SYT1: variants seen among roughly 807,000 people sequenced by gnomAD.
SYT1 encodes the protein synaptotagmin-1.
SYT1 carries 8 observed loss-of-function variants against 44.8 expected under a neutral mutation model. That is an observed-to-expected ratio of 0.18 (90% CI 0.10 to 0.32). The LOEUF is 0.32. Ranked by LOEUF, SYT1 falls within the 10% of genes least tolerant of loss-of-function variation. SYT1 has a pLI of 1.00. For missense variants in SYT1, 286 were observed against 509.3 expected (o/e 0.56, Z 4.22); for synonymous variants, 154 against 188.8 (o/e 0.82, Z 1.51).
rs200298249 is a variant in SYT1, at chr12:79,120,424, T to TA, written c.-18+73070dup. Among the ~76,000 whole-genome samples the TA allele has an allele frequency of 8.1e-3, 1,227 of 151,798 alleles. 7 individuals are homozygous for TA. Among genetic ancestry groups the TA allele is most frequent in the Non-Finnish European group, 0.012 (792 of 67,908 alleles). ...TGTATCTAAAATCAAAGTTAAAATT[T>TA]AAAAAAAATATATAAAAATGCAAAA... On this transcript the variant is annotated intron_variant, in intron 3 of 10. Coordinates refer to ENST00000261205, the MANE Select transcript of SYT1 (RefSeq NM_005639.3).
chr12:78,959,352 A>T (rs1191218109), intron 1 of SYT1, among the ~76,000 whole-genome samples: 2 of 152,304 alleles, frequency 1.3e-5, no homozygotes, highest in East Asian at 3.9e-4. Context: ...ATAAAATTAT[A>T]GGTAACTGCA....
chr12:78,968,348 C>T (rs909307916), intron 1 of SYT1, among the ~76,000 whole-genome samples: 3 of 152,068 alleles, frequency 2.0e-5, no homozygotes, highest in East Asian at 1.9e-4. Flanking sequence ...AGAGTCATCA[C>T]ATTCTCATAA....
chr12:78,866,024 G>A (rs915095553), intron 1 of SYT1, among the ~76,000 whole-genome samples: 1 of 152,122 alleles, frequency 6.6e-6, no homozygotes, highest in Non-Finnish European at 1.5e-5. Context: ...ATTTGCAAGG[G>A]ACAACAATTT....
At chr12:78,991,855 T>C (rs1340623579) in intron 2 of SYT1, among the ~76,000 whole-genome samples, 4 of 152,174 alleles carry the variant, frequency 2.6e-5, no homozygotes. Flanking sequence ...TTATGCCAAG[T>C]TTATTTGGCT....
chr12:79,079,699 A>G (rs746725454), intron 3 of SYT1, among the ~76,000 whole-genome samples: 12 of 152,134 alleles, frequency 7.9e-5, no homozygotes, highest in Non-Finnish European at 1.5e-4. Context: ...TGTTATGAAC[A>G]TATAAATAAA....
At chr12:79,446,639 T>A (rs573268361) in intron 10 of SYT1, among the ~76,000 whole-genome samples, 1 of 152,206 alleles carries the variant, frequency 6.6e-6, no homozygotes, top group South Asian at 2.1e-4. Flanking sequence ...ACAACCTTTA[T>A]CATATAAATT....
intron 1 of SYT1, among the ~76,000 whole-genome samples, chr12:78,866,230 A>G (rs1312642310): frequency 6.6e-6 from 1 of 152,200 alleles, no homozygotes; most frequent in Non-Finnish European, 1.5e-5. Context: ...TTGTCTGGAT[A>G]CCAAACTTAT....
chr12:79,157,412 T>A (rs1870666568), intron 3 of SYT1, among the ~76,000 whole-genome samples: 1 of 152,120 alleles, frequency 6.6e-6, no homozygotes, highest in Non-Finnish European at 1.5e-5. Context: ...TCAACCTCCA[T>A]CCCGTCGCTA....
chr12:79,079,248 C>T lies in SYT1; in HGVS notation c.-18+31886C>T, dbSNP rs189961097. Among the ~76,000 whole-genome samples, 10 of 152,248 alleles carry T rather than the reference C, an allele frequency of 6.6e-5. No individual in the cohort carries two copies. In the East Asian group the frequency reaches 1.9e-3, roughly 29 times the overall value. The stretch of plus-strand genomic sequence containing the variant: ...CAACTGACTTTCACCTCTCCCTACA[C>T]AGAGATTAATACAGTAATAATTTTA... On this transcript the variant is annotated intron_variant, in intron 3 of 10. Coordinates refer to ENST00000261205, the MANE Select transcript of SYT1 (RefSeq NM_005639.3).
At chr12:79,087,603 T>G (rs1415895943) in intron 3 of SYT1, among the ~76,000 whole-genome samples, 1 of 151,800 alleles carries the variant, frequency 6.6e-6, no homozygotes, top group Non-Finnish European at 1.5e-5. Context: ...AAAGAATGAG[T>G]AAGGTGCATC....
At chr12:79,383,755 A>G (rs1884320391) in intron 9 of SYT1, among the ~76,000 whole-genome samples, 1 of 152,214 alleles carries the variant, frequency 6.6e-6, no homozygotes. Flanking sequence ...ATAAAAAACT[A>G]CAGAAGAATG....
chr12:79,280,032 T>C (rs1193473802), intron 4 of SYT1, among the ~76,000 whole-genome samples: 1 of 151,784 alleles, frequency 6.6e-6, no homozygotes, highest in African/African-American at 2.4e-5. Context: ...GTTCATGGAT[T>C]AAAAGAATCA....
At chr12:79,275,205 G>A (rs886922060) in intron 4 of SYT1, among the ~76,000 whole-genome samples, 2 of 152,124 alleles carry the variant, frequency 1.3e-5, no homozygotes, top group African/African-American at 2.4e-5. Flanking sequence ...ATCTCTTTAA[G>A]CAGAGGCACA....
At chr12:79,165,726 A>G (rs1052071114) in intron 3 of SYT1, among the ~76,000 whole-genome samples, 1 of 151,978 alleles carries the variant, frequency 6.6e-6, no homozygotes, top group African/African-American at 2.4e-5. Flanking sequence ...AACATAACTT[A>G]ATCTTTTGCT....
At position 79,280,256 on chromosome 12, in the gene SYT1, T is replaced by C. The variant is rs371857667; in HGVS notation, c.167-5531T>C. ...GACTTAAAATTATACTACAAGGCTC[T>C]AGCAACCAAAACAGCATGGTTGTAA... On this transcript the variant is annotated intron_variant, in intron 4 of 10. Transcript: ENST00000261205. 1.7e-4 allele frequency among the ~76,000 whole-genome samples: 26 copies of C among 152,124 alleles called. 1 individual carries two copies. The highest frequency in any genetic ancestry group is 6.3e-4 in the African/African-American group (26 of 41,530).
At chr12:79,244,976 A>T (rs1011532095) in intron 4 of SYT1, among the ~76,000 whole-genome samples, 24 of 151,894 alleles carry the variant, frequency 1.6e-4, no homozygotes, top group African/African-American at 5.1e-4. Flanking sequence ...ATTCCTGAAA[A>T]TTTTTTCCAC....
chr12:79,428,592 G>A (rs1852443), intron 9 of SYT1, among the ~76,000 whole-genome samples: 177 of 152,278 alleles, frequency 1.2e-3, no homozygotes, highest in African/African-American at 3.9e-3. Flanking sequence ...TGCAATGCAC[G>A]TTGTAGCTTA....
At chr12:79,132,880 T>C (rs541061375) in intron 3 of SYT1, among the ~76,000 whole-genome samples, 2 of 152,190 alleles carry the variant, frequency 1.3e-5, no homozygotes, top group South Asian at 2.1e-4. Context: ...AAAGAATATG[T>C]GGTATATATA....
intron 10 of SYT1, among the ~76,000 whole-genome samples, chr12:79,448,587 A>G (rs1870861942): frequency 6.6e-6 from 1 of 152,230 alleles, no homozygotes. Flanking sequence ...GGTTCACAGC[A>G]TAGGCTCTGA....
Sources: gnomAD v4.1 joint callset for allele counts (sites outside exome capture counted in the v4.1 genomes callset) on GRCh38, gnomAD v4.1.1 for gene constraint, MANE v1.5 for transcripts, NCBI Gene and HGNC (gene_info 2026-07-23, HGNC 2026-07-21) for gene names.